The following MRTFB variants were observed in gnomAD, a reference collection of about 807,000 sequenced individuals.
MRTFB encodes the protein myocardin related transcription factor B, also known as myocardin-related transcription factor B.
A neutral mutation model predicts 104.2 loss-of-function variants in MRTFB; 29 were observed. The observed-to-expected ratio is 0.28, with a 90% CI of 0.21 to 0.38. The LOEUF is 0.38. Among genes scored for constraint, MRTFB ranks in the 10% least tolerant of loss-of-function variants. MRTFB has a pLI of 1.00. For missense variants in MRTFB, 1,270 were observed against 1,341.6 expected (o/e 0.95, Z 0.83); for synonymous variants, 535 against 519.5 (o/e 1.03, Z -0.41).
In MRTFB at chr16:14,243,864, G is replaced by GTTTTTTTTTTTTTTTTTTTTTT. The variant is rs56296807; in HGVS notation, c.1080-1651_1080-1650insTTTTTTTTTTTTTTTTTTTTTT. On this transcript the variant is annotated intron_variant, in intron 10 of 16. Coordinates refer to ENST00000571589, the MANE Select transcript of MRTFB (RefSeq NM_001308142.2). ...CAGAGATTAGTTTTGCCTGTTTTGG[G>GTTTTTTTTTTTTTTTTTTTTTT]TTTTTTTTTTTTTGAGACAGAGTCT... is the stretch of plus-strand genomic sequence containing the variant. 3.1e-3 allele frequency among the ~76,000 whole-genome samples: 382 copies of GTTTTTTTTTTTTTTTTTTTTTT among 124,524 alleles called. 39 individuals are homozygous for GTTTTTTTTTTTTTTTTTTTTTT. The highest frequency in any genetic ancestry group is 0.01 in the African/African-American group (277 of 26,418). The allele number at this position is 124,524 out of a possible 152,430, so 81.7% of individuals were successfully genotyped here.
At chr16:14,243,381 G>T (rs1885251061) in intron 10 of MRTFB, among the ~76,000 whole-genome samples, 1 of 152,214 alleles carries the variant, frequency 6.6e-6, no homozygotes, top group Non-Finnish European at 1.5e-5. Flanking sequence ...AACTATGGCT[G>T]TCACCCCGTA....
chr16:14,083,836 G>A (rs376796615), intron 2 of MRTFB, among the ~76,000 whole-genome samples: 2 of 152,044 alleles, frequency 1.3e-5, no homozygotes, highest in East Asian at 1.9e-4. Flanking sequence ...GTCTTGTTCC[G>A]CCATCTTGTA....
chr16:14,025,523 G>A, the MRTFB span, among the ~76,000 whole-genome samples: 1 of 152,156 alleles, frequency 6.6e-6, no homozygotes, highest in Non-Finnish European at 1.5e-5. Flanking sequence ...TAACCTTCAT[G>A]CGGTGCCTGC....
the MRTFB span, among the ~76,000 whole-genome samples, chr16:14,054,295 C>T: frequency 6.6e-6 from 1 of 152,136 alleles, no homozygotes; most frequent in African/African-American, 2.4e-5. Context: ...CAGCTCACTG[C>T]AACCTCTGCC....
Position 14,246,473 on chromosome 16 carries a change from G to A in MRTFB, c.1213G>A (p.Val405Ile), listed in dbSNP as rs200621179. The A allele has an allele frequency of 1.9e-6, 3 of 1,613,026 alleles. No homozygotes were observed. The highest frequency in any genetic ancestry group is 2.2e-5 in the South Asian group (2 of 91,044). ...PLPSSLDDLK[V>I]SELKTELKLR... is the part of the protein sequence containing the mutation. ...ATATCTGCTTTGTTTGTACCTCCAG[G>A]TATCAGAACTGAAGACAGAACTGAA... The change falls in exon 12 of 17, where the codon GTA becomes ATA. Residue 405 changes from valine to isoleucine, a missense_variant and splice_region_variant. By Grantham distance (29) the Val-to-Ile change is conservative. This residue lies in a region of MRTFB where 1,144 missense variants were observed against 1,131.5 expected (regional missense o/e 1.01). Transcript: ENST00000571589.
At chr16:14,068,300 T>A (rs2033542679), upstream of MRTFB, among the ~76,000 whole-genome samples, 1 of 152,184 alleles carries the variant, frequency 6.6e-6, no homozygotes, top group Non-Finnish European at 1.5e-5. Flanking sequence ...ATGCTTCACA[T>A]ATATTAAGTT....
chr16:14,054,096 C>T, the MRTFB span, among the ~76,000 whole-genome samples: 1 of 152,160 alleles, frequency 6.6e-6, no homozygotes. Flanking sequence ...GTGCCACTGC[C>T]CTCAAACACA....
chr16:14,058,712 GTTTTTTTTTTTTTT>G, the MRTFB span, among the ~76,000 whole-genome samples: 1 of 86,846 alleles, frequency 1.2e-5, no homozygotes, highest in South Asian at 4.4e-4. Context: ...ATTTGTATTT[GTTTTTTTTTTTTTT>G]TTTTTTTTTT....
chr16:14,088,947 G>A (rs1039774896), intron 2 of MRTFB, among the ~76,000 whole-genome samples: 4 of 152,044 alleles, frequency 2.6e-5, no homozygotes, highest in Admixed American at 2.0e-4. Context: ...GTGCTTTTTT[G>A]TTCTTTCCTC....
intron 6 of MRTFB, among the ~76,000 whole-genome samples, chr16:14,216,285 A>G (rs1397793434): frequency 2.6e-5 from 4 of 152,238 alleles, no homozygotes; most frequent in Admixed American, 2.6e-4. Context: ...AGTTTCATTG[A>G]AAGACCTTCT....
intron 8 of MRTFB, among the ~76,000 whole-genome samples, chr16:14,228,845 T>TTA (rs2042129859): frequency 6.6e-6 from 1 of 152,190 alleles, no homozygotes; most frequent in African/African-American, 2.4e-5. Flanking sequence ...GTGATTCCAC[T>TTA]TATATAAGAT....
At chr16:14,043,335 C>G in the MRTFB span, among the ~76,000 whole-genome samples, 1 of 152,056 alleles carries the variant, frequency 6.6e-6, no homozygotes, top group East Asian at 1.9e-4. Flanking sequence ...CTCTCAAGCA[C>G]CCATTTGTTC....
intron 2 of MRTFB, among the ~76,000 whole-genome samples, chr16:14,126,556 C>T (rs541855970): frequency 1.3e-5 from 2 of 152,050 alleles, no homozygotes; most frequent in East Asian, 1.9e-4. Context: ...TTCACATAAT[C>T]GATGCGGGAA....
chr16:14,153,392 G>A (rs1275571266), intron 3 of MRTFB, among the ~76,000 whole-genome samples: 1 of 152,066 alleles, frequency 6.6e-6, no homozygotes, highest in Admixed American at 6.5e-5. Flanking sequence ...TCAGAAAAAT[G>A]GAATTTGGTT....
chr16:14,014,059 G>C, the MRTFB span, among the ~76,000 whole-genome samples: 1 of 152,278 alleles, frequency 6.6e-6, no homozygotes, highest in African/African-American at 2.4e-5. Flanking sequence ...ATTCCCTCCA[G>C]AAGGGCAGGA....
intron 3 of MRTFB, among the ~76,000 whole-genome samples, chr16:14,145,677 T>C (rs1055292072): frequency 5.9e-5 from 9 of 152,234 alleles, no homozygotes; most frequent in Admixed American, 2.6e-4. Flanking sequence ...AAAATGGATA[T>C]ACAGAAACAC....
chr16:14,175,619 CAAAAG>C (rs977022731), intron 3 of MRTFB, among the ~76,000 whole-genome samples: 33 of 151,882 alleles, frequency 2.2e-4, no homozygotes, highest in African/African-American at 8.0e-4. Context: ...AGTCTTTACA[CAAAAG>C]AAATGAGTAT....
At chr16:14,016,075 G>C in the MRTFB span, 1 of 398,048 alleles carries the variant, frequency 2.5e-6, no homozygotes, top group Non-Finnish European at 4.4e-6. Context: ...TGGACCCACT[G>C]CTCTGTTTGT....
chr16:14,037,196 T>C, the MRTFB span, among the ~76,000 whole-genome samples: 1 of 152,216 alleles, frequency 6.6e-6, no homozygotes, highest in Non-Finnish European at 1.5e-5. Context: ...GTTGGTGATG[T>C]CCTCATCCGT....
Sources: allele counts gnomAD v4.1 joint callset (sites outside exome capture counted in the v4.1 genomes callset), GRCh38; gene constraint gnomAD v4.1.1; regional missense constraint gnomAD v4.1.1; transcripts MANE v1.5; gene names NCBI Gene and HGNC (gene_info 2026-07-23, HGNC 2026-07-21).